CD81: variants seen among roughly 807,000 people sequenced by gnomAD.
The protein encoded by CD81 is CD81 molecule.
Under a neutral mutation model 30.1 loss-of-function variants are expected in CD81, and 10 were observed. The ratio of observed to expected loss-of-function variants is 0.33; its 90% confidence interval spans 0.21 to 0.56. CD81 has a LOEUF of 0.56. Among genes scored for constraint, CD81 ranks in the 20% least tolerant of loss-of-function variants. The pLI, the probability that CD81 is intolerant of heterozygous loss-of-function variation, is 0.89. For missense variants in CD81, 263 were observed against 308.7 expected (o/e 0.85, Z 1.11); for synonymous variants, 147 against 126.4 (o/e 1.16, Z -1.10).
At chr11:2,379,898 C>A (rs914808676) in intron 1 of CD81, among the ~76,000 whole-genome samples, 2 of 152,110 alleles carry the variant, frequency 1.3e-5, no homozygotes, top group African/African-American at 2.4e-5. Context: ...CCTGGTGGAC[C>A]CCCCTCCACC....
At chr11:2,385,358 C>T (rs913549914) in intron 1 of CD81, among the ~76,000 whole-genome samples, 1 of 152,206 alleles carries the variant, frequency 6.6e-6, no homozygotes, top group Non-Finnish European at 1.5e-5. Context: ...CCTCCCCGTC[C>T]CAGGGCAACC....
intron 1 of CD81, among the ~76,000 whole-genome samples, chr11:2,381,062 G>T (rs1176649760): frequency 2.0e-5 from 3 of 152,356 alleles, no homozygotes; most frequent in African/African-American, 7.2e-5. Context: ...AGGCGCTGTG[G>T]GGGAGGGGGC....
intron 4 of CD81, 60 bp from the exon 5 acceptor site, chr11:2,395,356 C>A: frequency 8.9e-7 from 1 of 1,128,516 alleles, no homozygotes. Flanking sequence ...TGGGGCGGGG[C>A]GGGGTGGGGG....
At position 2,397,328 on chromosome 11, in the gene CD81, C is replaced by T. The variant is rs1049652; in HGVS notation, c.*462C>T. ...CTTCATGCACCTGTCCTTTCTAACACGTCGCCTTCAACTGTAATCACAACA... is the reference window on the plus strand; with the variant it reads ...CTTCATGCACCTGTCCTTTCTAACATGTCGCCTTCAACTGTAATCACAACA... On this transcript the variant is annotated 3_prime_UTR_variant, in exon 8 of 8. Coordinates refer to ENST00000263645, the MANE Select transcript of CD81 (RefSeq NM_004356.4). 0.05 allele frequency: 11,161 copies of T among 222,948 alleles called. 862 individuals are homozygous for T. Among genetic ancestry groups the T allele is most frequent in the African/African-American group, 0.19 (8,214 of 42,912 alleles). 13.8% of individuals were successfully genotyped at this position (222,948 alleles called of 1,614,324 possible).
chr11:2,395,774 C>T (rs985074813), intron 5 of CD81, 95 bp from the exon 6 acceptor site: 62 of 856,656 alleles, frequency 7.2e-5, no homozygotes, highest in African/African-American at 1.5e-4. Context: ...CAGTGGGGAG[C>T]GCTGCGTACC....
chr11:2,387,262 G>A (rs565445981), intron 1 of CD81, among the ~76,000 whole-genome samples: 1 of 152,298 alleles, frequency 6.6e-6, no homozygotes, highest in East Asian at 1.9e-4. Context: ...GGACCTTCCA[G>A]TGGCCCCACA....
chr11:2,396,315 C>G, intron 6 of CD81: 1 of 571,114 alleles, frequency 1.8e-6, no homozygotes, highest in East Asian at 3.0e-5. Context: ...GTGGAAGTTT[C>G]CTGCTGAGGC....
chr11:2,382,446 C>T (rs1266550160), intron 1 of CD81: 1 of 152,272 alleles, frequency 6.6e-6, no homozygotes, highest in African/African-American at 2.4e-5. Context: ...ACGCCTTGCC[C>T]TTCTCTCTGG....
At chr11:2,396,025 G>A (rs1849994497) in intron 6 of CD81, 55 bp downstream of exon 6, 6 of 1,192,568 alleles carry the variant, frequency 5.0e-6, no homozygotes, top group Non-Finnish European at 7.5e-6. Context: ...GCCCCTGGGT[G>A]GGGTCCTAGG....
chr11:2,390,573 AG>A (rs1849881128), intron 2 of CD81, 47 bp downstream of exon 2: 1 of 1,354,140 alleles, frequency 7.4e-7, no homozygotes, highest in Admixed American at 1.7e-5. Flanking sequence ...GGCTTCTAGG[AG>A]GAGGCAGGTC....
chr11:2,386,539 C>T (rs1849800953), intron 1 of CD81: 1 of 717,018 alleles, frequency 1.4e-6, no homozygotes, highest in Non-Finnish European at 2.6e-6. Flanking sequence ...CCATCACCAC[C>T]ATTGTTGTCA....
intron 1 of CD81, chr11:2,385,958 A>G (rs1198560257): frequency 4.3e-6 from 3 of 689,934 alleles, no homozygotes; most frequent in Non-Finnish European, 8.2e-6. Context: ...TGTGGGTTTC[A>G]CTGCTTAAGC....
intron 3 of CD81, among the ~76,000 whole-genome samples, chr11:2,394,495 C>G (rs1002323664): frequency 6.6e-6 from 1 of 152,248 alleles, no homozygotes; most frequent in Non-Finnish European, 1.5e-5. Context: ...GTGGGAAGCC[C>G]AGGCCTGGCT....
chr11:2,387,667 CT>C (rs1044992634), intron 1 of CD81, among the ~76,000 whole-genome samples: 1 of 152,128 alleles, frequency 6.6e-6, no homozygotes, highest in Non-Finnish European at 1.5e-5. Flanking sequence ...CCAGGGGCCC[CT>C]GGCCTCCCTG....
intron 2 of CD81, chr11:2,393,493 C>G (rs557296803): frequency 3.2e-5 from 7 of 221,068 alleles, no homozygotes; most frequent in Non-Finnish European, 5.5e-5. Context: ...CCTCCCCACA[C>G]AGCAGCCAGG....
intron 3 of CD81, 53 bp downstream of exon 3, chr11:2,394,245 G>A (rs571747563): frequency 8.8e-5 from 113 of 1,280,254 alleles, no homozygotes; most frequent in Non-Finnish European, 1.2e-4. Context: ...TGGGGGCTGC[G>A]TCTGGCCCTG....
At chr11:2,381,189 A>G (rs754751479) in intron 1 of CD81, among the ~76,000 whole-genome samples, 1 of 152,184 alleles carries the variant, frequency 6.6e-6, no homozygotes, top group Non-Finnish European at 1.5e-5. Context: ...GGCCGAGAAG[A>G]GGAAGTCTGT....
intron 6 of CD81, 140 bp downstream of exon 6, chr11:2,396,110 C>T: frequency 4.4e-6 from 2 of 451,356 alleles, no homozygotes; most frequent in Non-Finnish European, 8.8e-6. Context: ...GGCTGCTCTG[C>T]TGGGAGGGTT....
intron 1 of CD81, among the ~76,000 whole-genome samples, chr11:2,389,674 C>T (rs1469956895): frequency 6.6e-6 from 1 of 152,176 alleles, no homozygotes; most frequent in Non-Finnish European, 1.5e-5. Context: ...GGCTTCTGCG[C>T]GCCCCTTCCC....
Sources: allele counts gnomAD v4.1 joint callset (sites outside exome capture counted in the v4.1 genomes callset), GRCh38; gene constraint gnomAD v4.1.1; transcripts MANE v1.5; gene names NCBI Gene and HGNC (gene_info 2026-07-23, HGNC 2026-07-21).